Variants in SHISA6 observed in about 807,000 individuals in gnomAD.
SHISA6 encodes shisa family member 6, also known as protein shisa-6.
Under a neutral mutation model 47.9 loss-of-function variants are expected in SHISA6, and 22 were observed. The ratio of observed to expected loss-of-function variants is 0.46; its 90% CI spans 0.33 to 0.66. The LOEUF (loss-of-function observed/expected upper bound fraction) is 0.66, where lower values mean the gene tolerates loss of function less well. Among genes scored for constraint, SHISA6 ranks in the 30% least tolerant of loss-of-function variants. SHISA6 has a pLI of 0.02. For synonymous variants in SHISA6, 388 were observed against 337.8 expected (o/e 1.15, Z -1.63); for missense variants, 680 against 764.6 (o/e 0.89, Z 1.30).
intron 2 of SHISA6, among the ~76,000 whole-genome samples, chr17:11,272,644 C>G (rs1908722811): frequency 6.6e-6 from 1 of 152,182 alleles, no homozygotes; most frequent in African/African-American, 2.4e-5. Flanking sequence ...TGTCTGGTAT[C>G]AGCATAGCTC....
At chr17:11,505,917 C>A (rs1052087063) in intron 3 of SHISA6, among the ~76,000 whole-genome samples, 2 of 151,966 alleles carry the variant, frequency 1.3e-5, no homozygotes, top group Admixed American at 6.5e-5. Flanking sequence ...GTCCACGATG[C>A]GTATTGGAAT....
chr17:11,382,720 C>T (rs942797799), intron 3 of SHISA6, among the ~76,000 whole-genome samples: 4 of 152,136 alleles, frequency 2.6e-5, no homozygotes, highest in Admixed American at 6.5e-5. Context: ...CTAGCCATTG[C>T]GTTGCCCCAT....
intron 2 of SHISA6, among the ~76,000 whole-genome samples, chr17:11,361,055 T>TG (rs1567584359): frequency 2.3e-5 from 2 of 86,682 alleles, no homozygotes; most frequent in South Asian, 3.8e-4. Context: ...GTTTTTTTTT[T>TG]TGTGTGTGTG....
intron 3 of SHISA6, among the ~76,000 whole-genome samples, chr17:11,466,045 T>A (rs532260965): frequency 3.3e-5 from 5 of 152,098 alleles, no homozygotes; most frequent in Non-Finnish European, 7.4e-5. Context: ...TTCTTCTAGA[T>A]TGATGCTGAG....
At chr17:11,517,791 C>T (rs553890493) in intron 3 of SHISA6, among the ~76,000 whole-genome samples, 1 of 152,182 alleles carries the variant, frequency 6.6e-6, no homozygotes, top group East Asian at 1.9e-4. Flanking sequence ...AGGCTTGAGC[C>T]ACCACACTTG....
intron 3 of SHISA6, among the ~76,000 whole-genome samples, chr17:11,508,478 G>A (rs1795711685): frequency 7.3e-6 from 1 of 137,522 alleles, no homozygotes; most frequent in African/African-American, 2.7e-5. Context: ...CATATCCTGA[G>A]GACCTCTAAA....
rs1811717032 is a variant in SHISA6 at position 11,558,250 on chromosome 17, C to T, written c.1602C>T (p.Tyr534=). 6.5e-7 allele frequency: 1 copy of T among 1,539,896 alleles called. No homozygotes were observed. Among genetic ancestry groups the T allele is most frequent in the Non-Finnish European group, 8.7e-7 (1 of 1,146,942 alleles). The change falls in exon 6 of 6, where the codon TAC becomes TAT. Residue 534 remains tyrosine, a synonymous_variant. Transcript: ENST00000441885. ...RRHNTVEQLH[Y]IPGHHTCYTA... is the part of the protein sequence containing the mutation. ...ACAACACGGTGGAGCAGCTGCACTACATCCCGGGCCACCACACCTGCTACA... is the reference window on the plus strand; with the variant it reads ...ACAACACGGTGGAGCAGCTGCACTATATCCCGGGCCACCACACCTGCTACA...
intron 3 of SHISA6, among the ~76,000 whole-genome samples, chr17:11,433,235 C>A (rs1038763012): frequency 3.9e-5 from 6 of 152,076 alleles, no homozygotes; most frequent in Non-Finnish European, 8.8e-5. Context: ...TCCCCCTAGC[C>A]CCCCACCCAC....
At chr17:11,287,782 C>T (rs931428317) in intron 2 of SHISA6, among the ~76,000 whole-genome samples, 2 of 94,014 alleles carry the variant, frequency 2.1e-5, no homozygotes, top group African/African-American at 4.3e-5. Context: ...GAAGGAAGGC[C>T]ATTGATATTC....
chr17:11,291,780 G>A (rs114147783), intron 2 of SHISA6, among the ~76,000 whole-genome samples: 218 of 152,184 alleles, frequency 1.4e-3, no homozygotes, highest in African/African-American at 4.8e-3. Flanking sequence ...CCTTCTCCCT[G>A]TGTCCTCATG....
In SHISA6 at chr17:11,476,298, A is replaced by G. The variant is rs553664601; in HGVS notation, c.896-75598A>G. On this transcript the variant is annotated intron_variant, in intron 3 of 5. Coordinates refer to ENST00000441885, the MANE Select transcript of SHISA6 (RefSeq NM_207386.4). The stretch of plus-strand genomic sequence containing the variant: ...TTTTAATTTCAATTATTTCTGCTCT[A>G]TTTTTTATTGCTTCTTTACTTCTGT... Among the ~76,000 whole-genome samples the G allele has an allele frequency of 8.6e-5, 13 of 151,540 alleles. No individual in the cohort carries two copies. The South Asian group carries it at 2.7e-3, about 32-fold the overall frequency.
intron 2 of SHISA6, among the ~76,000 whole-genome samples, chr17:11,282,781 G>A (rs1909167102): frequency 6.6e-6 from 1 of 152,134 alleles, no homozygotes; most frequent in African/African-American, 2.4e-5. Flanking sequence ...ATAAGCATCT[G>A]TCCAGCCCCA....
At chr17:11,393,420 G>A (rs934499674) in intron 3 of SHISA6, among the ~76,000 whole-genome samples, 6 of 152,124 alleles carry the variant, frequency 3.9e-5, no homozygotes, top group South Asian at 4.1e-4. Flanking sequence ...CCTCCATGCA[G>A]TTCCATTTCC....
chr17:11,341,328 CTTTTTTTTT>C (rs71367322), intron 2 of SHISA6, among the ~76,000 whole-genome samples: 2 of 88,826 alleles, frequency 2.3e-5, no homozygotes, highest in Non-Finnish European at 4.2e-5. Flanking sequence ...CTCTCTCTCT[CTTTTTTTTT>C]TTTTTTTTTT....
chr17:11,308,966 C>A (rs2142184496), intron 2 of SHISA6, among the ~76,000 whole-genome samples: 1 of 152,216 alleles, frequency 6.6e-6, no homozygotes, highest in Admixed American at 6.5e-5. Context: ...ATCCACGTGG[C>A]TTTTTAAATT....
At chr17:11,250,867 T>C (rs925579653) in intron 1 of SHISA6, among the ~76,000 whole-genome samples, 5 of 151,652 alleles carry the variant, frequency 3.3e-5, no homozygotes, top group African/African-American at 1.2e-4. Context: ...CTCGGTGAGA[T>C]GAAGACTCAA....
chr17:11,489,062 G>A (rs1285691926), intron 3 of SHISA6, among the ~76,000 whole-genome samples: 1 of 152,066 alleles, frequency 6.6e-6, no homozygotes, highest in Non-Finnish European at 1.5e-5. Flanking sequence ...TCTAGGCTAG[G>A]CAAGATGTCT....
At chr17:11,446,090 C>T (rs763042789) in intron 3 of SHISA6, among the ~76,000 whole-genome samples, 17 of 152,066 alleles carry the variant, frequency 1.1e-4, no homozygotes, top group Non-Finnish European at 2.1e-4. Context: ...CCTCCCAAAG[C>T]GCTGGGATTA....
intron 3 of SHISA6, among the ~76,000 whole-genome samples, chr17:11,489,239 A>G (rs7218248): frequency 0.013 from 1,910 of 152,082 alleles, 32 homozygotes; most frequent in African/African-American, 0.044. Context: ...TCGGGGCCCC[A>G]ATTTTATGAA....
Sources: allele counts gnomAD v4.1 joint callset (sites outside exome capture counted in the v4.1 genomes callset), GRCh38; gene constraint gnomAD v4.1.1; transcripts MANE v1.5; gene names NCBI Gene and HGNC (gene_info 2026-07-23, HGNC 2026-07-21).